The following PTPN4 variants were observed in gnomAD, a reference collection of about 807,000 sequenced individuals.
The protein encoded by PTPN4 is tyrosine-protein phosphatase non-receptor type 4.
Under a neutral mutation model 135.5 loss-of-function variants are expected in PTPN4, and 49 were observed. The ratio of observed to expected loss-of-function variants is 0.36; its 90% CI spans 0.29 to 0.46. The LOEUF (loss-of-function observed/expected upper bound fraction) is 0.46, where lower values mean the gene tolerates loss of function less well. PTPN4 is among the 20% of genes least tolerant of loss of function. The probability of loss-of-function intolerance (pLI) is 1.00; values close to 1 mark genes in which losing one functional copy is unlikely to be tolerated. For missense variants in PTPN4, 860 were observed against 1,101.0 expected (o/e 0.78, Z 3.10); for synonymous variants, 333 against 369.9 (o/e 0.90, Z 1.14).
intron 1 of PTPN4, among the ~76,000 whole-genome samples, chr2:119,775,821 ATATC>A (rs1430791785): frequency 2.0e-5 from 3 of 151,238 alleles, no homozygotes; most frequent in African/African-American, 7.3e-5. Flanking sequence ...ATCTATATCT[ATATC>A]TATATCTATA....
chr2:119,963,888 A>G (rs1679407152), intron 24 of PTPN4, among the ~76,000 whole-genome samples: 1 of 152,194 alleles, frequency 6.6e-6, no homozygotes, highest in African/African-American at 2.4e-5. Flanking sequence ...CTCCACCTGT[A>G]GATTATCCAT....
At chr2:119,938,606 T>C (rs559098234) in intron 15 of PTPN4, among the ~76,000 whole-genome samples, 1 of 152,250 alleles carries the variant, frequency 6.6e-6, no homozygotes, top group South Asian at 2.1e-4. Context: ...TATTTACTAA[T>C]CTTGCTTTCT....
At chr2:119,847,275 T>TACACACACACACAC (rs775485671) in intron 2 of PTPN4, among the ~76,000 whole-genome samples, 3 of 107,538 alleles carry the variant, frequency 2.8e-5, no homozygotes, top group Non-Finnish European at 5.3e-5. Context: ...ATACTCTATA[T>TACACACACACACAC]ACACACACAC....
At chr2:119,793,253 A>G (rs11689531) in intron 1 of PTPN4, among the ~76,000 whole-genome samples, 41,360 of 152,040 alleles carry the variant, frequency 0.27, 5,710 homozygotes, top group South Asian at 0.34. Context: ...GCTGTCAATT[A>G]TTAATATTCC....
intron 1 of PTPN4, among the ~76,000 whole-genome samples, chr2:119,790,234 T>C (rs1434844417): frequency 6.6e-6 from 1 of 152,122 alleles, no homozygotes; most frequent in Non-Finnish European, 1.5e-5. Context: ...ATCTAGTTGG[T>C]TTATAATGTT....
intron 2 of PTPN4, among the ~76,000 whole-genome samples, chr2:119,837,333 A>T (rs1419945265): frequency 6.6e-6 from 1 of 151,876 alleles, no homozygotes; most frequent in Non-Finnish European, 1.5e-5. Flanking sequence ...TCTCCTCTCC[A>T]CTGAGGGCTG....
intron 2 of PTPN4, among the ~76,000 whole-genome samples, chr2:119,857,562 A>G (rs1677699602): frequency 6.7e-6 from 1 of 150,368 alleles, no homozygotes; most frequent in Admixed American, 6.6e-5. Context: ...ATGTTTCAGG[A>G]GCTGCCTTTA....
intron 2 of PTPN4, among the ~76,000 whole-genome samples, chr2:119,829,221 C>T (rs148106358): frequency 2.3e-4 from 35 of 151,998 alleles, no homozygotes; most frequent in South Asian, 6.2e-4. Flanking sequence ...TTTTTTTGAA[C>T]GGTTTAATTG....
intron 15 of PTPN4, among the ~76,000 whole-genome samples, chr2:119,937,852 A>G (rs1465839221): frequency 6.6e-6 from 1 of 152,160 alleles, no homozygotes; most frequent in African/African-American, 2.4e-5. Flanking sequence ...GGATCACTAG[A>G]GCCCAGGAGT....
At position 119,858,677 on chromosome 2, in the gene PTPN4, C is replaced by A. The variant is rs542080684; in HGVS notation, c.139-3859C>A. Among the ~76,000 whole-genome samples, 316 of 151,520 alleles carry A rather than the reference C, an allele frequency of 2.1e-3. 2 individuals carry two copies. Among genetic ancestry groups the A allele is most frequent in the Non-Finnish European group, 3.8e-3 (257 of 67,898 alleles). ...TGTTCTTTTTTTTTTGAGATGGAGT[C>A]TCGCTCTGTTGCCCAGGCTGGAGTG... On this transcript the variant is annotated intron_variant, in intron 2 of 26. Transcript: ENST00000263708.
intron 18 of PTPN4, among the ~76,000 whole-genome samples, chr2:119,950,137 A>G (rs1433420424): frequency 1.3e-5 from 2 of 152,152 alleles, no homozygotes; most frequent in Non-Finnish European, 2.9e-5. Context: ...CAACTACACT[A>G]TGCACAAAAT....
rs1398072279 is a variant in PTPN4, at chr2:119,983,064, A to G, written c.*5994A>G. On this transcript the variant is annotated 3_prime_UTR_variant, in exon 27 of 27. Coordinates refer to ENST00000263708, the MANE Select transcript of PTPN4 (RefSeq NM_002830.4). Reference sequence around the variant, plus strand: ...TTTTTATTTCTCTTTCCACGTCTCCAACTTTTTAAAAATCACTAATTTAAC... The same window carrying G: ...TTTTTATTTCTCTTTCCACGTCTCCGACTTTTTAAAAATCACTAATTTAAC... 1 of 152,176 alleles carries G rather than the reference A, an allele frequency of 6.6e-6. No individual in the cohort carries two copies. Among genetic ancestry groups the G allele is most frequent in the African/African-American group, 2.4e-5 (1 of 41,422 alleles). 9.4% of individuals were successfully genotyped at this position (152,176 alleles called of 1,614,324 possible).
At chr2:119,950,804 C>CA (rs1679202128) in intron 18 of PTPN4, among the ~76,000 whole-genome samples, 2 of 152,062 alleles carry the variant, frequency 1.3e-5, no homozygotes, top group Non-Finnish European at 2.9e-5. Flanking sequence ...TTTGTCTTCT[C>CA]ACTTTGTGCT....
intron 11 of PTPN4, among the ~76,000 whole-genome samples, chr2:119,919,311 A>G (rs1678703481): frequency 6.6e-6 from 1 of 152,240 alleles, no homozygotes; most frequent in South Asian, 2.1e-4. Flanking sequence ...ATTATGTAAT[A>G]GTGTTCAGAG....
In PTPN4 at chr2:119,790,106, T is replaced by C. The variant is rs558367097; in HGVS notation, c.-17-19731T>C. On this transcript the variant is annotated intron_variant, in intron 1 of 26. Coordinates refer to ENST00000263708, the MANE Select transcript of PTPN4 (RefSeq NM_002830.4). ...ATGATTTCAGTCCTTTTAAATTTAC[T>C]GATGATTTTTTATGGCCCTAATATA... Among the ~76,000 whole-genome samples the C allele has an allele frequency of 1.9e-4, 29 of 152,302 alleles. 1 individual carries two copies. Among genetic ancestry groups the C allele is most frequent in the African/African-American group, 5.8e-4 (24 of 41,564 alleles).
At chr2:119,799,095 G>C (rs913849938) in intron 1 of PTPN4, among the ~76,000 whole-genome samples, 1 of 152,188 alleles carries the variant, frequency 6.6e-6, no homozygotes, top group African/African-American at 2.4e-5. Flanking sequence ...GTTATGGCAG[G>C]TGAAGTTGTT....
intron 2 of PTPN4, among the ~76,000 whole-genome samples, 193 bp downstream of exon 2, chr2:119,810,184 T>C (rs1691552986): frequency 6.6e-6 from 1 of 152,228 alleles, no homozygotes; most frequent in Non-Finnish European, 1.5e-5. Flanking sequence ...TGTTGCTCAC[T>C]GGATGTTGTT....
At chr2:119,797,935 A>G (rs1441043405) in intron 1 of PTPN4, among the ~76,000 whole-genome samples, 13 of 152,028 alleles carry the variant, frequency 8.6e-5, no homozygotes, top group East Asian at 5.8e-4. Context: ...TTTATGTTCA[A>G]CTCTTCACTT....
chr2:119,892,200 A>C (rs1678250427), intron 9 of PTPN4, among the ~76,000 whole-genome samples: 2 of 152,194 alleles, frequency 1.3e-5, no homozygotes, highest in African/African-American at 4.8e-5. Context: ...ATATTGATAG[A>C]AGTCAGAATA....
Sources: allele counts gnomAD v4.1 joint callset (sites outside exome capture counted in the v4.1 genomes callset), GRCh38; gene constraint gnomAD v4.1.1; transcripts MANE v1.5; gene names NCBI Gene and HGNC (gene_info 2026-07-23, HGNC 2026-07-21).